The following GCSAML variants were observed in gnomAD, a reference collection of about 807,000 sequenced individuals.
GCSAML encodes germinal center-associated signaling and motility-like protein.
Under a neutral mutation model 13.0 loss-of-function variants are expected in GCSAML, and 9 were observed. The ratio of observed to expected loss-of-function variants is 0.69; its 90% confidence interval spans 0.42 to 1.21. The LOEUF is 1.21. GCSAML is among the 50% of genes most tolerant of loss of function. GCSAML has a pLI of 0.00. For synonymous variants in GCSAML, 37 were observed against 52.9 expected, an observed-to-expected ratio of 0.70 and a Z score of 1.31; for missense variants, 143 against 153.4, an observed-to-expected ratio of 0.93 and a Z score of 0.36.
At chr1:247,530,861 G>A (rs976505085) in intron 2 of GCSAML, 1 of 142,356 alleles carries the variant, frequency 7.0e-6, no homozygotes, top group African/African-American at 2.6e-5. Flanking sequence ...GGCGCATTTG[G>A]GCGGCGCCAT....
At position 247,570,994 on chromosome 1, in the gene GCSAML, G is replaced by A. The variant is rs562918433; in HGVS notation, c.169-3149G>A. Among the ~76,000 whole-genome samples the A allele has an allele frequency of 3.3e-5, 5 of 152,146 alleles. No individual in the cohort carries two copies. In the South Asian group the frequency reaches 1.0e-3, roughly 32 times the overall value. ...TCTTTGTCTCTTTTGATCTTTGTTG[G>A]TTTAAAGTCTGTTTTATCAGATTGC... On this transcript the variant is annotated intron_variant, in intron 4 of 4. Transcript: ENST00000366488.
rs186360707 is a variant in GCSAML at position 247,543,486 on chromosome 1, G to A, written c.-147-5559G>A. Among the ~76,000 whole-genome samples the A allele has an allele frequency of 3.8e-3, 577 of 152,200 alleles. 8 individuals are homozygous for A. Among genetic ancestry groups the A allele is most frequent in the African/African-American group, 0.014 (561 of 41,520 alleles). On this transcript the variant is annotated intron_variant, in intron 2 of 5. Coordinates refer to the GCSAML transcript ENST00000366489. ...ATATACAGGGTTCCGTAGTATCCACGGTTTCAGGCATCCACTGAACTGGGA... is the reference window on the plus strand; with the variant it reads ...ATATACAGGGTTCCGTAGTATCCACAGTTTCAGGCATCCACTGAACTGGGA...
At chr1:247,507,338 T>G (rs1665865496) in intron 1 of GCSAML, 1 of 152,184 alleles carries the variant, frequency 6.6e-6, no homozygotes, top group African/African-American at 2.4e-5. Context: ...TTACTATCAC[T>G]GAGTCATAGC....
intron 1 of GCSAML, among the ~76,000 whole-genome samples, chr1:247,520,769 G>T (rs1397400475): frequency 6.6e-6 from 1 of 151,966 alleles, no homozygotes; most frequent in East Asian, 1.9e-4. Context: ...TATATTTTCA[G>T]TTCAGATTTC....
chr1:247,574,007 C>G (rs560893817), intron 4 of GCSAML, 136 bp from the exon 5 acceptor site: 21 of 872,478 alleles, frequency 2.4e-5, no homozygotes, highest in Middle Eastern at 3.6e-4. Context: ...TATTGGTGTA[C>G]AGGAATGCTT....
intron 1 of GCSAML, among the ~76,000 whole-genome samples, chr1:247,507,650 C>G (rs1017059860): frequency 3.9e-5 from 6 of 152,128 alleles, no homozygotes; most frequent in African/African-American, 1.2e-4. Flanking sequence ...TTAGGTATTT[C>G]TCCTAATGCT....
intron 2 of GCSAML, chr1:247,528,306 A>G (rs1666765714): frequency 1.3e-5 from 2 of 151,888 alleles, no homozygotes; most frequent in South Asian, 4.1e-4. Flanking sequence ...ATGTTTTGAT[A>G]CATGTATACT....
chr1:247,532,437 T>G (rs757013130), intron 2 of GCSAML: 1 of 1,614,050 alleles, frequency 6.2e-7, no homozygotes, highest in Middle Eastern at 1.6e-4. Context: ...AGAGGACAGT[T>G]TCTAGTGAGG....
chr1:247,512,309 T>C (rs1666071506), intron 1 of GCSAML, among the ~76,000 whole-genome samples: 1 of 151,880 alleles, frequency 6.6e-6, no homozygotes, highest in Non-Finnish European at 1.5e-5. Context: ...CGGCTACTGA[T>C]ACTTGTGTAT....
intron 2 of GCSAML, among the ~76,000 whole-genome samples, chr1:247,534,490 CTTTTGTACAGTTGGAA>C (rs1558243842): frequency 6.6e-6 from 1 of 152,192 alleles, no homozygotes; most frequent in Non-Finnish European, 1.5e-5. Context: ...CTATCCTCTG[CTTTTGTACAGTTGGAA>C]TAAAACGAGC....
chr1:247,520,854 T>C lies in GCSAML; in HGVS notation c.-262-6086T>C, dbSNP rs1666390674. Among the ~76,000 whole-genome samples, 3 of 152,364 alleles carry C rather than the reference T, an allele frequency of 2.0e-5. No homozygotes were observed. The South Asian group carries it at 6.2e-4, about 32-fold the overall frequency. ...AAAAGGGGAAACCAACTTACGTCTA[T>C]ACTACTTTATCTTCTGATTTCCGAA... On this transcript the variant is annotated intron_variant, in intron 1 of 5. Transcript: ENST00000366489.
At chr1:247,572,284 T>G (rs1668644894) in intron 4 of GCSAML, among the ~76,000 whole-genome samples, 1 of 152,208 alleles carries the variant, frequency 6.6e-6, no homozygotes, top group South Asian at 2.1e-4. Context: ...AGAGGCATTC[T>G]GGTATTTGGA....
intron 2 of GCSAML, among the ~76,000 whole-genome samples, chr1:247,560,423 T>A (rs1404524496): frequency 1.3e-5 from 2 of 152,186 alleles, no homozygotes; most frequent in Non-Finnish European, 2.9e-5. Context: ...CACAACTTAG[T>A]GAACGTAATT....
At chr1:247,572,345 C>T (rs2103079323) in intron 4 of GCSAML, among the ~76,000 whole-genome samples, 1 of 152,182 alleles carries the variant, frequency 6.6e-6, no homozygotes, top group South Asian at 2.1e-4. Flanking sequence ...GATTTATCTA[C>T]CTTTGGTCTT....
At position 247,563,473 on chromosome 1, in the gene GCSAML, T is replaced by G; in HGVS notation, c.90-117T>G. The stretch of plus-strand genomic sequence containing the variant: ...GCAGCCTTTTAATTGTATTTAATAT[T>G]TGCATGGAAAATCTAACAATGGCCT... On this transcript the variant is annotated intron_variant, in intron 2 of 4. Transcript: ENST00000366488. 2 of 572,436 alleles carry G rather than the reference T, an allele frequency of 3.5e-6. 1 individual carries two copies. Among genetic ancestry groups the G allele is most frequent in the South Asian group, 5.6e-5 (2 of 35,514 alleles). The allele number at this position is 572,436 out of a possible 1,614,324, so 35.5% of individuals were successfully genotyped here. A position where few individuals can be genotyped will look rare whatever the true frequency, so the allele number is the denominator to read the frequency against.
In GCSAML at chr1:247,567,871, A is replaced by G. The variant is rs543430673; in HGVS notation, c.168+1912A>G. ...CCTGATTTTTAATGATCACCATTCT[A>G]ACTGGCATGAGATGGTATCTCATTG... On this transcript the variant is annotated intron_variant, in intron 4 of 4. Transcript: ENST00000366488. Among the ~76,000 whole-genome samples the G allele has an allele frequency of 5.3e-5, 8 of 152,278 alleles. No individual in the cohort carries two copies. The East Asian group carries it at 1.5e-3, about 29-fold the overall frequency.
At chr1:247,546,998 G>T, upstream of GCSAML, among the ~76,000 whole-genome samples, 1 of 151,690 alleles carries the variant, frequency 6.6e-6, no homozygotes, top group East Asian at 1.9e-4. Flanking sequence ...AGCTACTTGG[G>T]GGATGAGGAG....
intron 2 of GCSAML, among the ~76,000 whole-genome samples, chr1:247,537,219 A>G (rs1259407153): frequency 6.6e-6 from 1 of 152,204 alleles, no homozygotes; most frequent in Non-Finnish European, 1.5e-5. Context: ...ATGGACTTAT[A>G]TCATACATGT....
intron 2 of GCSAML, chr1:247,529,532 T>C (rs1158107852): frequency 6.6e-6 from 1 of 152,162 alleles, no homozygotes; most frequent in Non-Finnish European, 1.5e-5. Flanking sequence ...ACCTGATACA[T>C]GAGTCCAGAA....
Sources: allele counts gnomAD v4.1 joint callset (sites outside exome capture counted in the v4.1 genomes callset), GRCh38; gene constraint gnomAD v4.1.1; transcripts MANE v1.5; gene names NCBI Gene and HGNC (gene_info 2026-07-23, HGNC 2026-07-21).